The following ARB2A variants were observed in gnomAD, a reference collection of about 807,000 sequenced individuals.
The protein encoded by ARB2A is cotranscriptional regulator ARB2A.
At chr5:93,654,295 C>A in the ARB2A span, among the ~76,000 whole-genome samples, 1 of 152,150 alleles carries the variant, frequency 6.6e-6, no homozygotes, top group Non-Finnish European at 1.5e-5. Flanking sequence ...GAAGAACTCC[C>A]TCTAAGGTGA....
chr5:94,053,343 T>C, the ARB2A span: 1 of 572,778 alleles, frequency 1.7e-6, no homozygotes, highest in Non-Finnish European at 3.0e-6. Context: ...TGTGTTGCTT[T>C]AACTGATAAT....
chr5:93,670,106 C>G, the ARB2A span, among the ~76,000 whole-genome samples: 11 of 152,100 alleles, frequency 7.2e-5, no homozygotes, highest in Non-Finnish European at 8.8e-5. Context: ...CTTCCCATCT[C>G]TAAATGATTA....
the ARB2A span, among the ~76,000 whole-genome samples, chr5:93,924,333 G>A: frequency 4.9e-4 from 74 of 152,284 alleles, no homozygotes; most frequent in Non-Finnish European, 8.5e-4. Flanking sequence ...ATGATTTAAT[G>A]CCCAAGTTTT....
the ARB2A span, chr5:93,737,722 G>A: frequency 5.6e-5 from 17 of 305,626 alleles, no homozygotes; most frequent in African/African-American, 3.6e-4. Flanking sequence ...AGGGTGCTAA[G>A]ATCATTCAAT....
the ARB2A span, among the ~76,000 whole-genome samples, chr5:93,877,226 T>C: frequency 2.0e-5 from 3 of 152,180 alleles, no homozygotes; most frequent in Non-Finnish European, 4.4e-5. Context: ...AGGAAAGAGA[T>C]GTTCAAGCAC....
At chr5:93,857,275 C>A in the ARB2A span, among the ~76,000 whole-genome samples, 2 of 152,144 alleles carry the variant, frequency 1.3e-5, no homozygotes, top group African/African-American at 4.8e-5. Context: ...ATTCTCAGAT[C>A]TCAAGTTGCG....
At chr5:93,860,309 C>G in the ARB2A span, among the ~76,000 whole-genome samples, 5 of 151,922 alleles carry the variant, frequency 3.3e-5, no homozygotes, top group Non-Finnish European at 7.4e-5. Context: ...AATAAAGAAT[C>G]TTATACTATA....
the ARB2A span, among the ~76,000 whole-genome samples, chr5:93,851,125 C>T: frequency 1.3e-5 from 2 of 152,086 alleles, no homozygotes; most frequent in Admixed American, 6.6e-5. Context: ...TATAGACAGA[C>T]TGACAGATAA....
At chr5:93,901,396 T>A in the ARB2A span, among the ~76,000 whole-genome samples, 1 of 152,142 alleles carries the variant, frequency 6.6e-6, no homozygotes, top group Non-Finnish European at 1.5e-5. Context: ...AAAATCAGCA[T>A]ATGGCTGAAC....
the ARB2A span, among the ~76,000 whole-genome samples, chr5:94,099,418 A>G: frequency 1.1e-4 from 17 of 151,808 alleles, no homozygotes; most frequent in Admixed American, 1.1e-3. Context: ...AGGTCAGGAG[A>G]TCGAGACCAT....
chr5:93,665,736 T>G, the ARB2A span, among the ~76,000 whole-genome samples: 1 of 152,230 alleles, frequency 6.6e-6, no homozygotes, highest in East Asian at 1.9e-4. Flanking sequence ...TCTGATAATC[T>G]GTGACAACAA....
the ARB2A span, among the ~76,000 whole-genome samples, chr5:93,665,132 C>T: frequency 0.013 from 1,947 of 152,254 alleles, 31 homozygotes; most frequent in African/African-American, 0.045. Flanking sequence ...TGGCCTTCAA[C>T]GCATTTCTCA....
chr5:93,985,759 A>G, the ARB2A span, among the ~76,000 whole-genome samples: 1 of 152,024 alleles, frequency 6.6e-6, no homozygotes, highest in Non-Finnish European at 1.5e-5. Flanking sequence ...CAGTGGCGTG[A>G]TCTCGGCTGG....
At chr5:93,667,144 TA>T in the ARB2A span, among the ~76,000 whole-genome samples, 9 of 152,294 alleles carry the variant, frequency 5.9e-5, no homozygotes, top group East Asian at 7.7e-4. Context: ...GAATATTCCT[TA>T]ATTATTCCTC....
the ARB2A span, among the ~76,000 whole-genome samples, chr5:93,915,014 A>T: frequency 2.0e-5 from 3 of 151,986 alleles, no homozygotes; most frequent in Non-Finnish European, 4.4e-5. Flanking sequence ...TTTTCTTGAT[A>T]TTCACCTCTT....
At chr5:93,687,744 CA>C in the ARB2A span, among the ~76,000 whole-genome samples, 1 of 152,116 alleles carries the variant, frequency 6.6e-6, no homozygotes, top group East Asian at 1.9e-4. Context: ...GATTATTTCT[CA>C]GGGGTGGTAT....
chr5:94,067,588 T>C, the ARB2A span, among the ~76,000 whole-genome samples: 1 of 151,950 alleles, frequency 6.6e-6, no homozygotes, highest in Non-Finnish European at 1.5e-5. Context: ...ACAACAGCTA[T>C]AAGAAAAATA....
the ARB2A span, among the ~76,000 whole-genome samples, chr5:93,973,345 C>T: frequency 6.6e-6 from 1 of 151,582 alleles, no homozygotes; most frequent in Non-Finnish European, 1.5e-5. Flanking sequence ...ACTGGCCCTT[C>T]CAAGTCAACC....
At chr5:93,928,016 T>G in the ARB2A span, among the ~76,000 whole-genome samples, 1 of 152,060 alleles carries the variant, frequency 6.6e-6, no homozygotes, top group South Asian at 2.1e-4. Context: ...TTTTCATATT[T>G]GGAATACAAC....
Sources: allele counts gnomAD v4.1 joint callset (sites outside exome capture counted in the v4.1 genomes callset), GRCh38; gene constraint gnomAD v4.1.1; transcripts MANE v1.5; gene names NCBI Gene and HGNC (gene_info 2026-07-23, HGNC 2026-07-21).